PAMR1: variants seen among roughly 807,000 people sequenced by gnomAD.
PAMR1 encodes the protein peptidase domain containing associated with muscle regeneration 1, also known as inactive serine protease PAMR1.
A neutral mutation model predicts 81.8 loss-of-function variants in PAMR1; 88 were observed. The observed-to-expected ratio is 1.08, with a 90% CI of 0.91 to 1.28. The LOEUF is 1.28. Ranked by LOEUF, PAMR1 falls within the 50% of genes most tolerant of loss-of-function variation. The pLI, the probability that PAMR1 is intolerant of heterozygous loss-of-function variation, is 0.00. For synonymous variants in PAMR1, 336 were observed against 345.3 expected (o/e 0.97, Z 0.30); for missense variants, 935 against 919.7 (o/e 1.02, Z -0.21).
At chr11:35,488,669 CTTTTTTTTTTTTT>C (rs34053329) in intron 3 of PAMR1, among the ~76,000 whole-genome samples, 10 of 42,938 alleles carry the variant, frequency 2.3e-4, no homozygotes, top group African/African-American at 8.7e-4. Flanking sequence ...CAAATCTTGC[CTTTTTTTTTTTTT>C]TTTTTTTTTT....
chr11:35,439,825 A>G, intron 7 of PAMR1, 132 bp from the exon 8 acceptor site: 1 of 709,988 alleles, frequency 1.4e-6, no homozygotes, highest in Non-Finnish European at 2.5e-6. Context: ...GAGGCAAGAC[A>G]TGTCAGCCAA....
chr11:35,512,606 G>A (rs1056745958), intron 1 of PAMR1, among the ~76,000 whole-genome samples: 2 of 152,290 alleles, frequency 1.3e-5, no homozygotes, highest in African/African-American at 2.4e-5. Flanking sequence ...GGCCTTGGGC[G>A]AGTCACTAAA....
At chr11:35,519,218 G>T (rs992473363) in intron 1 of PAMR1, among the ~76,000 whole-genome samples, 23 of 152,184 alleles carry the variant, frequency 1.5e-4, no homozygotes, top group Admixed American at 1.2e-3. Flanking sequence ...CCTCATTCAA[G>T]GTTGAGATGA....
At position 35,459,539 on chromosome 11, in the gene PAMR1, C is replaced by T. The variant is rs117343243; in HGVS notation, c.820+8462G>A. ...GTTCCCCAGTGGTATTCATAGCCAA[C>T]TTCTCAAACTATAAGAAATGGCCTG... is the stretch of plus-strand genomic sequence containing the variant. On this transcript the variant is annotated intron_variant, in intron 6 of 10. Coordinates refer to ENST00000619888, the MANE Select transcript of PAMR1 (RefSeq NM_001001991.3). 7.7e-3 allele frequency among the ~76,000 whole-genome samples: 1,172 copies of T among 152,262 alleles called. 9 individuals are homozygous for T. Among genetic ancestry groups the T allele is most frequent in the Non-Finnish European group, 0.013 (895 of 68,018 alleles).
intron 5 of PAMR1, among the ~76,000 whole-genome samples, chr11:35,469,813 TA>T (rs1036520035): frequency 6.0e-5 from 9 of 150,142 alleles, no homozygotes; most frequent in African/African-American, 2.2e-4. Flanking sequence ...TTTTTTTTTT[TA>T]AATCAAACTT....
At position 35,470,765 on chromosome 11, in the gene PAMR1, T is replaced by C. The variant is rs1335880646; in HGVS notation, c.548A>G (p.Glu183Gly). ...ATCGCGGTTGTCTCCATCACGAACC[T>C]CAACATAGTCATACTGGCACATGTA... ...FDYMCQYDYV[E>G]VRDGDNRDGQ... The change falls in exon 5 of 11, where the codon GAG (glutamate) becomes GGG (glycine). Residue 183 changes from glutamate to glycine, a missense_variant. Physicochemically the swap from Glu to Gly is moderately conservative, Grantham distance 98 (BLOSUM62 -2). Coordinates refer to ENST00000619888, the MANE Select transcript of PAMR1 (RefSeq NM_001001991.3). 1 of 1,614,082 alleles carries C rather than the reference T, an allele frequency of 6.2e-7. No individual in the cohort carries two copies. Among genetic ancestry groups the C allele is most frequent in the Non-Finnish European group, 8.5e-7 (1 of 1,180,002 alleles).
intron 3 of PAMR1, among the ~76,000 whole-genome samples, chr11:35,480,427 G>A (rs1850367673): frequency 6.6e-6 from 1 of 152,180 alleles, no homozygotes; most frequent in African/African-American, 2.4e-5. Context: ...AAAGAGTTAA[G>A]ACTGCTAAAT....
At chr11:35,498,793 C>T (rs928136288) in intron 1 of PAMR1, among the ~76,000 whole-genome samples, 5 of 152,310 alleles carry the variant, frequency 3.3e-5, no homozygotes, top group East Asian at 1.9e-4. Flanking sequence ...CCAAGGCCTC[C>T]GTCTCAGGCC....
At position 35,502,375 on chromosome 11, in the gene PAMR1, G is replaced by C. The variant is rs987259804; in HGVS notation, c.74-8103C>G. Among the ~76,000 whole-genome samples the C allele has an allele frequency of 3.7e-4, 56 of 152,032 alleles. 1 individual carries two copies. The highest frequency in any genetic ancestry group is 1.2e-3 in the African/African-American group (50 of 41,380). ...ATCCATCACCCAGGTATTAAGCCTGGCATGCATTAGCTCTTTTTCCTAATG... is the reference window on the plus strand; with the variant it reads ...ATCCATCACCCAGGTATTAAGCCTGCCATGCATTAGCTCTTTTTCCTAATG... On this transcript the variant is annotated intron_variant, in intron 1 of 10. Transcript: ENST00000619888.
chr11:35,523,891 G>GA (rs1565365890), intron 1 of PAMR1, among the ~76,000 whole-genome samples: 1 of 152,214 alleles, frequency 6.6e-6, no homozygotes, highest in Non-Finnish European at 1.5e-5. Flanking sequence ...TCTCGGGTCA[G>GA]AAATAAATGG....
rs539159940 is a variant in PAMR1 at position 35,471,659 on chromosome 11, A to G, written c.495-841T>C. ...GGGGTTAAGGAAACCTGACACATCC[A>G]TGCTTATCCAAAAGGGGTCTTGGGT... On this transcript the variant is annotated intron_variant, in intron 4 of 10. Transcript: ENST00000619888. Among the ~76,000 whole-genome samples the G allele has an allele frequency of 2.6e-5, 4 of 152,310 alleles. 1 individual carries two copies. The South Asian group carries it at 6.2e-4, about 24-fold the overall frequency.
rs1370731180 is a variant in PAMR1 at position 35,468,039 on chromosome 11, G to A, written c.782C>T (p.Ala261Val). 1.9e-6 allele frequency: 3 copies of A among 1,562,544 alleles called. No homozygotes were observed. Among genetic ancestry groups the A allele is most frequent in the Non-Finnish European group, 2.6e-6 (3 of 1,151,690 alleles). The change falls in exon 6 of 11, where the codon GCC (alanine) becomes GTC (valine). Residue 261 changes from alanine (A) to valine (V), a missense_variant. Ala to Val is a moderately conservative substitution (Grantham distance 64, BLOSUM62 0). Transcript: ENST00000619888. The part of the protein sequence containing the change: ...VLDKAGSYKC[A>V]CLAGYTGQRC... ...CTGCCCAGTATAGCCTGCCAAGCAG[G>A]CACACTTGTAAGATCCAGCCTTGTC...
In PAMR1 at chr11:35,441,651, T is replaced by C. The variant is rs760914031; in HGVS notation, c.863A>G (p.Asn288Ser). 7.4e-6 allele frequency: 12 copies of C among 1,613,852 alleles called. No individual in the cohort carries two copies. Among genetic ancestry groups the C allele is most frequent in the South Asian group, 4.4e-5 (4 of 91,062 alleles). ...RNCSDPGGPV[N>S]GYQKITGGPG... ...GCCCCCTGTTATTTTCTGGTACCCA[T>C]TGACTGGGCCCCCAGGGTCTGAGCA... is the stretch of plus-strand genomic sequence containing the variant. The change falls in exon 7 of 11, where the codon AAT becomes AGT. Residue 288 changes from asparagine to serine, a missense_variant. Physicochemically the swap from Asn to Ser is conservative, Grantham distance 46. Coordinates refer to ENST00000619888, the MANE Select transcript of PAMR1 (RefSeq NM_001001991.3).
chr11:35,501,360 C>T (rs1294770350), intron 1 of PAMR1, among the ~76,000 whole-genome samples: 2 of 151,746 alleles, frequency 1.3e-5, no homozygotes, highest in Non-Finnish European at 1.5e-5. Flanking sequence ...TTTGAACTCC[C>T]GGGCTCAAGT....
intron 5 of PAMR1, 68 bp from the exon 6 acceptor site, chr11:35,468,176 G>A: frequency 1.1e-6 from 1 of 908,622 alleles, no homozygotes; most frequent in Non-Finnish European, 1.7e-6. Context: ...CCAGAGTCTT[G>A]ACCAAAGTCT....
chr11:35,432,495 C>T lies in PAMR1; in HGVS notation c.2024G>A (p.Gly675Glu), dbSNP rs774753802. The T allele has an allele frequency of 3.1e-6, 5 of 1,614,234 alleles. No individual in the cohort carries two copies. In the South Asian group the frequency reaches 5.5e-5, roughly 18 times the overall value. The change falls in exon 11 of 11, where the codon GGA becomes GAA. Residue 675 changes from glycine (G) to glutamate (E), a missense_variant. Coordinates refer to ENST00000619888, the MANE Select transcript of PAMR1 (RefSeq NM_001001991.3). Reference sequence around the variant, plus strand: ...CCAGCGTGGCTCAGGAGATGCTCGTCCCGGGAAGGACACAGCCGCGATGCC... The same window carrying T: ...CCAGCGTGGCTCAGGAGATGCTCGTTCCGGGAAGGACACAGCCGCGATGCC... ...TGGIAAVSFPGRASPEPRWHL... is the reference protein window; with the variant it reads ...TGGIAAVSFPERASPEPRWHL...
upstream of PAMR1, chr11:35,529,908 A>G (rs991258886): frequency 6.6e-6 from 1 of 152,236 alleles, no homozygotes; most frequent in Non-Finnish European, 1.5e-5. Flanking sequence ...CATAATACCC[A>G]CTAATTTTCA....
chr11:35,475,275 A>C (rs1289865375), intron 3 of PAMR1, among the ~76,000 whole-genome samples: 1 of 152,212 alleles, frequency 6.6e-6, no homozygotes, highest in Non-Finnish European at 1.5e-5. Flanking sequence ...AATGCATGAC[A>C]GTGGAAAGGA....
chr11:35,437,531 C>T (rs1856077475), intron 8 of PAMR1, among the ~76,000 whole-genome samples: 1 of 152,228 alleles, frequency 6.6e-6, no homozygotes, highest in Admixed American at 6.5e-5. Context: ...AACTTGCAAA[C>T]AAACTCCTCC....
Sources: gnomAD v4.1 joint callset for allele counts (sites outside exome capture counted in the v4.1 genomes callset) on GRCh38, gnomAD v4.1.1 for gene constraint, MANE v1.5 for transcripts, NCBI Gene and HGNC (gene_info 2026-07-23, HGNC 2026-07-21) for gene names.